FOCAD: variants seen among roughly 807,000 people sequenced by gnomAD.
FOCAD encodes KIAA1797.
Under a neutral mutation model 225.6 loss-of-function variants are expected in FOCAD, and 198 were observed. The observed-to-expected ratio is 0.88, with a 90% CI of 0.78 to 0.99. FOCAD has a LOEUF of 0.99. FOCAD is among the 50% of genes least tolerant of loss of function. The pLI is 0.00. For missense variants in FOCAD, 2,713 were observed against 2,123.6 expected, an observed-to-expected ratio of 1.28 and a Z score of -5.46; for synonymous variants, 897 against 755.0, an observed-to-expected ratio of 1.19 and a Z score of -3.08.
intron 8 of FOCAD, among the ~76,000 whole-genome samples, chr9:20,771,288 C>T (rs1008035673): frequency 6.6e-6 from 1 of 152,166 alleles, no homozygotes; most frequent in African/African-American, 2.4e-5. Flanking sequence ...TACATTTTAT[C>T]CTCTAGGCAA....
chr9:20,867,125 G>A (rs545000284), intron 18 of FOCAD, 113 bp downstream of exon 18: 5 of 621,254 alleles, frequency 8.0e-6, no homozygotes, highest in South Asian at 7.5e-5. Flanking sequence ...CCCTAGATCT[G>A]TTGTCCATGC....
chr9:20,753,138 GA>G (rs1828722053), intron 5 of FOCAD, among the ~76,000 whole-genome samples: 1 of 152,106 alleles, frequency 6.6e-6, no homozygotes, highest in Admixed American at 6.6e-5. Context: ...TTTCCTAACT[GA>G]ATACTCTTTA....
At chr9:20,780,110 C>G (rs143376811) in intron 9 of FOCAD, among the ~76,000 whole-genome samples, 1 of 152,120 alleles carries the variant, frequency 6.6e-6, no homozygotes, top group Non-Finnish European at 1.5e-5. Context: ...CCATAAAATT[C>G]AGAATAAAGT....
At chr9:20,904,370 C>G (rs941231879) in intron 21 of FOCAD, among the ~76,000 whole-genome samples, 1 of 151,836 alleles carries the variant, frequency 6.6e-6, no homozygotes, top group African/African-American at 2.4e-5. Flanking sequence ...ATTTTTTATT[C>G]CCACTAGCAC....
chr9:20,845,442 G>GATAGATATATATATATATAT (rs1826987955), intron 15 of FOCAD, among the ~76,000 whole-genome samples: 1 of 121,234 alleles, frequency 8.2e-6, no homozygotes, highest in African/African-American at 3.2e-5. Context: ...TCTTTTCCTC[G>GATAGATATATATATATATAT]ATATATATAT....
chr9:20,710,446 A>T (rs900250550), intron 1 of FOCAD, among the ~76,000 whole-genome samples: 2 of 151,830 alleles, frequency 1.3e-5, no homozygotes, highest in African/African-American at 4.8e-5. Flanking sequence ...AAATACAAAA[A>T]ATTAGCCAGG....
intron 4 of FOCAD, among the ~76,000 whole-genome samples, chr9:20,727,081 G>A (rs1826257260): frequency 1.3e-5 from 2 of 152,086 alleles, no homozygotes; most frequent in South Asian, 4.2e-4. Context: ...GAGAGTGACA[G>A]AGTTGCTAGT....
intron 20 of FOCAD, among the ~76,000 whole-genome samples, chr9:20,883,408 G>A (rs934964847): frequency 3.3e-5 from 5 of 152,124 alleles, no homozygotes; most frequent in East Asian, 1.9e-4. Flanking sequence ...ACAAACTACT[G>A]TATAGACATG....
intron 7 of FOCAD, among the ~76,000 whole-genome samples, chr9:20,767,379 A>G (rs1830138658): frequency 7.5e-6 from 1 of 133,588 alleles, no homozygotes; most frequent in Admixed American, 7.3e-5. Context: ...TTCTAGTTCT[A>G]GATCCCTGAG....
At position 20,844,919 on chromosome 9, in the gene FOCAD, C is replaced by T. The variant is rs935958623; in HGVS notation, c.1921-17659C>T. On this transcript the variant is annotated intron_variant, in intron 15 of 43. Transcript: ENST00000338382. ...TGTGTCCTTCTCTTTTTATTTCATG[C>T]TTCCTTCTATATTTGACAACTTGAC... Among the ~76,000 whole-genome samples, 7 of 151,762 alleles carry T rather than the reference C, an allele frequency of 4.6e-5. No individual in the cohort carries two copies. The East Asian group carries it at 5.8e-4, about 13-fold the overall frequency.
intron 4 of FOCAD, among the ~76,000 whole-genome samples, chr9:20,735,127 A>T (rs370332061): frequency 2.1e-3 from 317 of 152,006 alleles, no homozygotes; most frequent in African/African-American, 7.4e-3. Context: ...TGATTTGTGT[A>T]TCTCTATTCT....
At chr9:20,951,428 G>C (rs112949409) in intron 34 of FOCAD, among the ~76,000 whole-genome samples, 169 of 152,242 alleles carry the variant, frequency 1.1e-3, no homozygotes, top group African/African-American at 3.9e-3. Context: ...GGCTCGGAAA[G>C]ATTACATGAG....
At chr9:20,907,851 A>C (rs1833111245) in intron 22 of FOCAD, among the ~76,000 whole-genome samples, 1 of 151,968 alleles carries the variant, frequency 6.6e-6, no homozygotes, top group East Asian at 1.9e-4. Context: ...TTCTCTCCCC[A>C]CTGGATTATA....
At position 20,889,569 on chromosome 9, in the gene FOCAD, T is replaced by C. The variant is rs1831430736; in HGVS notation, c.2625+4339T>C. On this transcript the variant is annotated intron_variant, in intron 21 of 43. Coordinates refer to ENST00000338382, the MANE Select transcript of FOCAD (RefSeq NM_001375567.1). ...GCCCATATATGTTTGGGTCTATTTC[T>C]GTACTCACTTTTGTTCCATTGAGAT... is the stretch of plus-strand genomic sequence containing the variant. Among the ~76,000 whole-genome samples the C allele has an allele frequency of 2.6e-5, 4 of 152,214 alleles. No homozygotes were observed. The South Asian group carries it at 6.2e-4, about 24-fold the overall frequency.
intron 11 of FOCAD, among the ~76,000 whole-genome samples, chr9:20,791,073 T>G (rs1484512550): frequency 6.6e-6 from 1 of 152,204 alleles, no homozygotes; most frequent in Non-Finnish European, 1.5e-5. Context: ...GTGTTGACAC[T>G]TGGTAGGATA....
chr9:20,655,769 T>C (rs542289321), upstream of FOCAD, among the ~76,000 whole-genome samples: 2 of 152,214 alleles, frequency 1.3e-5, no homozygotes, highest in Admixed American at 6.5e-5. Context: ...TTTGTGTCTC[T>C]ATTTCCTTCA....
chr9:20,811,192 GAGGGACAC>G (rs1823029679), intron 11 of FOCAD, among the ~76,000 whole-genome samples: 1 of 152,068 alleles, frequency 6.6e-6, no homozygotes, highest in Non-Finnish European at 1.5e-5. Context: ...TGCTGGGAAC[GAGGGACAC>G]AAAGGTCTAT....
At chr9:20,921,054 C>T (rs1234558693) in intron 24 of FOCAD, among the ~76,000 whole-genome samples, 1 of 151,364 alleles carries the variant, frequency 6.6e-6, no homozygotes, top group Non-Finnish European at 1.5e-5. Context: ...CAAATTTTCA[C>T]ATCCAAAAAA....
At chr9:20,807,627 C>G (rs539853008) in intron 11 of FOCAD, among the ~76,000 whole-genome samples, 1 of 152,308 alleles carries the variant, frequency 6.6e-6, no homozygotes, top group Non-Finnish European at 1.5e-5. Flanking sequence ...CACTGTACAT[C>G]TTGATTCAGA....
Sources: gnomAD v4.1 joint callset for allele counts (sites outside exome capture counted in the v4.1 genomes callset) on GRCh38, gnomAD v4.1.1 for gene constraint, MANE v1.5 for transcripts, NCBI Gene and HGNC (gene_info 2026-07-23, HGNC 2026-07-21) for gene names.